MITF: variants seen among roughly 807,000 people sequenced by gnomAD.
MITF encodes the protein melanocyte inducing transcription factor, also known as microphthalmia-associated transcription factor.
In MITF, 17 loss-of-function variants were observed where a neutral mutation model predicts 60.5. The observed-to-expected ratio is 0.28, with a 90% CI of 0.19 to 0.42. The LOEUF is 0.42. MITF is among the 10% of genes least tolerant of loss of function. The pLI, the probability that MITF is intolerant of heterozygous loss-of-function variation, is 1.00. For missense variants in MITF, 622 were observed against 683.5 expected (o/e 0.91, Z 1.00); for synonymous variants, 260 against 248.5 (o/e 1.05, Z -0.43).
intron 1 of MITF, among the ~76,000 whole-genome samples, chr3:69,860,098 A>G (rs2063986194): frequency 6.6e-6 from 1 of 152,136 alleles, no homozygotes; most frequent in South Asian, 2.1e-4. Context: ...TTTATATTCT[A>G]GATTGTAGTT....
chr3:69,865,880 C>CA (rs2064104441), intron 1 of MITF, among the ~76,000 whole-genome samples: 1 of 152,166 alleles, frequency 6.6e-6, no homozygotes, highest in Non-Finnish European at 1.5e-5. Flanking sequence ...TTCTGTGACT[C>CA]CAGTAAGTGT....
intron 1 of MITF, among the ~76,000 whole-genome samples, chr3:69,815,651 C>T (rs1044373702): frequency 6.6e-6 from 1 of 152,112 alleles, no homozygotes; most frequent in Non-Finnish European, 1.5e-5. Flanking sequence ...GGCTATTCCC[C>T]GTTGAGTAAG....
chr3:69,847,427 A>G (rs558990248), intron 1 of MITF, among the ~76,000 whole-genome samples: 1 of 152,318 alleles, frequency 6.6e-6, no homozygotes, highest in South Asian at 2.1e-4. Context: ...GGCCAGACCT[A>G]GTGGTAATGT....
intron 1 of MITF, among the ~76,000 whole-genome samples, chr3:69,867,921 T>C (rs184696362): frequency 4.2e-4 from 64 of 152,342 alleles, no homozygotes; most frequent in Non-Finnish European, 5.0e-4. Flanking sequence ...ACAAAACTTG[T>C]TCACTGAGTT....
intron 1 of MITF, among the ~76,000 whole-genome samples, chr3:69,805,871 G>C (rs1468859519): frequency 2.0e-5 from 3 of 151,996 alleles, no homozygotes; most frequent in Non-Finnish European, 4.4e-5. Context: ...ATGTTTTCCA[G>C]ACTGGTCTCA....
At chr3:69,922,833 C>CAAAG (rs1028293440) in intron 2 of MITF, among the ~76,000 whole-genome samples, 13 of 151,946 alleles carry the variant, frequency 8.6e-5, no homozygotes, top group African/African-American at 1.9e-4. Context: ...ATCCTTCTCA[C>CAAAG]AAAGAAAGAA....
chr3:69,965,196 C>G lies in MITF; in HGVS notation c.1529C>G (p.Thr510Arg). 1 of 1,613,764 alleles carries G rather than the reference C, an allele frequency of 6.2e-7. No individual in the cohort carries two copies. Among genetic ancestry groups the G allele is most frequent in the Non-Finnish European group, 8.5e-7 (1 of 1,179,676 alleles). Residue 510 changes from threonine (T) to arginine (R), a missense_variant, in exon 10 of 10, where the codon ACA becomes AGA. Thr to Arg is a moderately conservative substitution (Grantham distance 71, BLOSUM62 -1). This residue lies in a region of MITF where 224 missense variants were observed against 209.5 expected (regional missense o/e 1.07). Transcript: ENST00000352241. ...TCAGTGTCCCCCGGAGCTTCCAAAA[C>G]AAGCAGCCGGAGGAGCAGTATGAGC... ...LSSVSPGASK[T>R]SSRRSSMSME...
At chr3:69,751,418 T>G (rs1213006501) in intron 1 of MITF, among the ~76,000 whole-genome samples, 1 of 152,126 alleles carries the variant, frequency 6.6e-6, no homozygotes, top group Non-Finnish European at 1.5e-5. Context: ...TCTCTGATCA[T>G]GAAGTACAGA....
At chr3:69,777,375 A>G (rs2062491486) in intron 1 of MITF, among the ~76,000 whole-genome samples, 1 of 152,200 alleles carries the variant, frequency 6.6e-6, no homozygotes. Flanking sequence ...CATTTGGGTC[A>G]TTGTTGCTAC....
intron 1 of MITF, among the ~76,000 whole-genome samples, chr3:69,844,713 A>C (rs1423643080): frequency 1.3e-5 from 2 of 152,212 alleles, no homozygotes; most frequent in African/African-American, 4.8e-5. Flanking sequence ...AAATTTTTGC[A>C]ATCTATGTAT....
chr3:69,774,864 G>A (rs1243898733), intron 1 of MITF, among the ~76,000 whole-genome samples: 1 of 152,158 alleles, frequency 6.6e-6, no homozygotes, highest in Non-Finnish European at 1.5e-5. Context: ...ATACCAATGA[G>A]CACTGTTAGA....
intron 9 of MITF, among the ~76,000 whole-genome samples, chr3:69,963,730 G>C (rs748121913): frequency 6.6e-6 from 1 of 152,042 alleles, no homozygotes; most frequent in Non-Finnish European, 1.5e-5. Context: ...ACTGCCAAAA[G>C]CTCAACTTTG....
intron 6 of MITF, among the ~76,000 whole-genome samples, chr3:69,949,684 G>A (rs1021086207): frequency 1.3e-5 from 2 of 152,100 alleles, no homozygotes; most frequent in Admixed American, 6.6e-5. Context: ...ATTACACAGA[G>A]GGGAAAAAAT....
chr3:69,821,111 TTC>T (rs2063264042), intron 1 of MITF, among the ~76,000 whole-genome samples: 1 of 152,192 alleles, frequency 6.6e-6, no homozygotes, highest in Non-Finnish European at 1.5e-5. Flanking sequence ...AACCCTTTGA[TTC>T]TGTTTGTCAC....
chr3:69,841,545 A>T (rs1325473392), intron 1 of MITF, among the ~76,000 whole-genome samples: 5 of 152,206 alleles, frequency 3.3e-5, no homozygotes, highest in African/African-American at 1.2e-4. Flanking sequence ...TAAGGGTAAG[A>T]AAGGTTGCAG....
chr3:69,844,370 A>G (rs1309868027), intron 1 of MITF, among the ~76,000 whole-genome samples: 7 of 152,254 alleles, frequency 4.6e-5, no homozygotes, highest in African/African-American at 1.7e-4. Flanking sequence ...AGCAATGGGG[A>G]AAGGATTCCC....
At chr3:69,945,265 TG>T (rs2066066920) in intron 5 of MITF, among the ~76,000 whole-genome samples, 1 of 152,198 alleles carries the variant, frequency 6.6e-6, no homozygotes, top group Non-Finnish European at 1.5e-5. Context: ...CAGACCAGTA[TG>T]GGGGCATAGA....
intron 1 of MITF, among the ~76,000 whole-genome samples, chr3:69,875,539 C>G (rs778688144): frequency 6.6e-6 from 1 of 152,140 alleles, no homozygotes; most frequent in Non-Finnish European, 1.5e-5. Flanking sequence ...GATTATCTAG[C>G]GAAGATTCAG....
At chr3:69,954,071 A>G (rs1183230907) in intron 7 of MITF, among the ~76,000 whole-genome samples, 1 of 152,030 alleles carries the variant, frequency 6.6e-6, no homozygotes, top group Admixed American at 6.5e-5. Flanking sequence ...GAAATTTTTT[A>G]CTAGCTTATA....
Sources: gnomAD v4.1 joint callset for allele counts (sites outside exome capture counted in the v4.1 genomes callset) on GRCh38, gnomAD v4.1.1 for gene constraint, gnomAD v4.1.1 regional missense constraint, MANE v1.5 for transcripts, NCBI Gene and HGNC (gene_info 2026-07-23, HGNC 2026-07-21) for gene names.